ITSN1: variants seen among roughly 807,000 people sequenced by gnomAD.
ITSN1 encodes the protein intersectin 1.
ITSN1 carries 58 observed loss-of-function variants against 239.8 expected under a neutral mutation model. The observed-to-expected ratio is 0.24, with a 90% CI of 0.20 to 0.30. ITSN1 has a LOEUF of 0.30. ITSN1 is among the 10% of genes least tolerant of loss of function. ITSN1 has a pLI of 1.00. For missense variants in ITSN1, 1,558 were observed against 2,103.3 expected (o/e 0.74, Z 5.07); for synonymous variants, 780 against 770.8 (o/e 1.01, Z -0.20).
intron 30 of ITSN1, among the ~76,000 whole-genome samples, chr21:33,857,132 A>C (rs1979503388): frequency 6.6e-6 from 1 of 152,156 alleles, no homozygotes; most frequent in African/African-American, 2.4e-5. Context: ...AGTCATGTGA[A>C]CTGAGAGTCT....
At chr21:33,704,782 C>T (rs903052318) in intron 1 of ITSN1, among the ~76,000 whole-genome samples, 4 of 151,792 alleles carry the variant, frequency 2.6e-5, no homozygotes, top group African/African-American at 4.8e-5. Flanking sequence ...ATAAGGACCT[C>T]GAAATCAGTT....
chr21:33,782,698 T>G (rs2070297105), intron 16 of ITSN1, among the ~76,000 whole-genome samples: 1 of 152,194 alleles, frequency 6.6e-6, no homozygotes, highest in South Asian at 2.1e-4. Flanking sequence ...ATTTGGTGTT[T>G]CTGATTTAAC....
chr21:33,813,042 T>C (rs1375915770), intron 21 of ITSN1, among the ~76,000 whole-genome samples: 3 of 152,172 alleles, frequency 2.0e-5, no homozygotes, highest in African/African-American at 7.2e-5. Flanking sequence ...GTGAGGATGT[T>C]TCTCCGGGGC....
At position 33,793,082 on chromosome 21, in the gene ITSN1, G is replaced by C. The variant is rs186201723; in HGVS notation, c.1825-1259G>C. Among the ~76,000 whole-genome samples the C allele has an allele frequency of 9.2e-5, 14 of 152,270 alleles. No homozygotes were observed. In the East Asian group the frequency reaches 2.3e-3, roughly 25 times the overall value. ...ACAGTTTATAAAACATTTGTGTATG[G>C]ATTTTAACTTTAACCTTAGCAAAAT... On this transcript the variant is annotated intron_variant, in intron 16 of 39. Transcript: ENST00000381318.
chr21:33,861,712 C>T (rs531357091), intron 31 of ITSN1, among the ~76,000 whole-genome samples: 8 of 152,012 alleles, frequency 5.3e-5, no homozygotes, highest in African/African-American at 9.6e-5. Flanking sequence ...TTTGGGAGGC[C>T]GAGGCGGGTG....
intron 16 of ITSN1, among the ~76,000 whole-genome samples, chr21:33,785,051 A>G (rs188552611): frequency 4.1e-4 from 62 of 152,304 alleles, no homozygotes; most frequent in African/African-American, 1.4e-3. Context: ...AGAGTACAGA[A>G]AAGAAATTAG....
chr21:33,685,028 T>G (rs189503000), intron 1 of ITSN1, among the ~76,000 whole-genome samples: 118 of 152,344 alleles, frequency 7.7e-4, no homozygotes, highest in African/African-American at 2.7e-3. Flanking sequence ...CAGTCACTGT[T>G]AACTCTCAGC....
At chr21:33,644,567 C>T (rs1427569053) in intron 1 of ITSN1, among the ~76,000 whole-genome samples, 2 of 151,580 alleles carry the variant, frequency 1.3e-5, no homozygotes, top group Admixed American at 6.6e-5. Flanking sequence ...TGGAACCCTG[C>T]GGATTGCACA....
Position 33,818,346 on chromosome 21 carries a change from A to G in ITSN1, c.2807A>G (p.Lys936Arg), listed in dbSNP as rs755867780. Residue 936 changes from lysine to arginine, a missense_variant, in exon 23 of 40, where the codon AAA becomes AGA. Around this residue, in one of 2 missense-constraint regions of ITSN1, gnomAD observed 982 missense variants for 1,209.9 expected, o/e 0.81. Transcript: ENST00000381318. ...AKKDNHLNFN[K>R]NDVITVLEQQ... is the part of the protein sequence containing the mutation. ...AAAGACAACCACTTAAATTTTAACA[A>G]AAATGATGTCATCACCGTCCTGGAA... 2.5e-6 allele frequency: 4 copies of G among 1,614,256 alleles called. No homozygotes were observed. The highest frequency in any genetic ancestry group is 1.1e-5 in the South Asian group (1 of 91,088).
chr21:33,737,881 A>G (rs542042991), intron 5 of ITSN1, among the ~76,000 whole-genome samples: 20 of 152,082 alleles, frequency 1.3e-4, no homozygotes, highest in Non-Finnish European at 2.5e-4. Flanking sequence ...CCTGCTTTCT[A>G]ATTAATATTG....
chr21:33,865,450 G>T lies in ITSN1; in HGVS notation c.4074+116G>T, dbSNP rs939553500. 4 of 843,286 alleles carry T rather than the reference G, an allele frequency of 4.7e-6. No individual in the cohort carries two copies. The highest frequency in any genetic ancestry group is 3.5e-6 in the Non-Finnish European group (2 of 563,720). The allele number at this position is 843,286 out of a possible 1,614,324, so 52.2% of individuals were successfully genotyped here. A position where few individuals can be genotyped will look rare whatever the true frequency, so the allele number is the denominator to read the frequency against. ...AGTGTTCCCACTAGAGGCCAACAGG[G>T]CCTAGGGTCTTGGCTAAGCCTTAGG... On this transcript the variant is annotated intron_variant, in intron 32 of 39. Transcript: ENST00000381318. The surrounding 1 kb of genome is among the most constrained non-coding windows in gnomAD (Gnocchi z 4.4).
intron 1 of ITSN1, among the ~76,000 whole-genome samples, chr21:33,693,623 C>T (rs1439310661): frequency 6.6e-6 from 1 of 152,228 alleles, no homozygotes; most frequent in Admixed American, 6.5e-5. Flanking sequence ...TCCCACAGTG[C>T]TGGGACTACA....
intron 29 of ITSN1, among the ~76,000 whole-genome samples, chr21:33,846,789 G>GGGT (rs2075002752): frequency 6.6e-6 from 1 of 152,142 alleles, no homozygotes; most frequent in South Asian, 2.1e-4. Context: ...CACAAAACCT[G>GGGT]TGCTTGAGTT....
At chr21:33,798,570 A>G (rs2071742176) in intron 18 of ITSN1, among the ~76,000 whole-genome samples, 1 of 152,194 alleles carries the variant, frequency 6.6e-6, no homozygotes, top group Non-Finnish European at 1.5e-5. Context: ...AGTTTTGCAA[A>G]TAATGTTCAG....
chr21:33,687,830 TAAATA>T (rs1331425462), intron 1 of ITSN1, among the ~76,000 whole-genome samples: 3 of 152,344 alleles, frequency 2.0e-5, no homozygotes, highest in East Asian at 3.9e-4. Flanking sequence ...TGAGACTGAG[TAAATA>T]AAATAAACAT....
At chr21:33,792,246 C>A (rs1002397901) in intron 16 of ITSN1, among the ~76,000 whole-genome samples, 1 of 151,986 alleles carries the variant, frequency 6.6e-6, no homozygotes, top group African/African-American at 2.4e-5. Flanking sequence ...GCCTTGTCAC[C>A]CAGGCTAGAG....
At chr21:33,786,604 A>T (rs2070700149) in intron 16 of ITSN1, among the ~76,000 whole-genome samples, 1 of 152,232 alleles carries the variant, frequency 6.6e-6, no homozygotes, top group African/African-American at 2.4e-5. Flanking sequence ...CTAATGTTCC[A>T]TATTTTAATG....
intron 29 of ITSN1, among the ~76,000 whole-genome samples, chr21:33,851,962 T>G (rs1978400639): frequency 6.6e-6 from 1 of 151,604 alleles, no homozygotes. Flanking sequence ...TTTTTAAATT[T>G]TTTGTAGATA....
At position 33,889,371 on chromosome 21, in the gene ITSN1, G is replaced by C. The variant is rs1321356597; in HGVS notation, c.*1071G>C. 6.6e-6 allele frequency: 1 copy of C among 152,190 alleles called. No homozygotes were observed. Among genetic ancestry groups the C allele is most frequent in the Non-Finnish European group, 1.5e-5 (1 of 68,046 alleles). The allele number at this position is 152,190 out of a possible 1,614,324, so 9.4% of individuals were successfully genotyped here. A position where few individuals can be genotyped will look rare whatever the true frequency, so the allele number is the denominator to read the frequency against. ...GAAGGCAGTCCATTATGTGGTGGGT[G>C]AAAGACCCTAGGAGGATGCAAGCCC... On this transcript the variant is annotated 3_prime_UTR_variant, in exon 40 of 40. Coordinates refer to ENST00000381318, the MANE Select transcript of ITSN1 (RefSeq NM_003024.3).
Sources: allele counts gnomAD v4.1 joint callset (sites outside exome capture counted in the v4.1 genomes callset), GRCh38; gene constraint gnomAD v4.1.1; regional missense constraint gnomAD v4.1.1; non-coding constraint Gnocchi (gnomAD v3.1); transcripts MANE v1.5; gene names NCBI Gene and HGNC (gene_info 2026-07-23, HGNC 2026-07-21).